The following CLN6 variants were observed in gnomAD, a reference collection of about 807,000 sequenced individuals.
CLN6 encodes the protein ceroid-lipofuscinosis neuronal protein 6.
Under a neutral mutation model 33.3 loss-of-function variants are expected in CLN6, and 22 were observed. The observed-to-expected ratio is 0.66, with a 90% CI of 0.47 to 0.94. The LOEUF (loss-of-function observed/expected upper bound fraction) is 0.94, where lower values mean the gene tolerates loss of function less well. CLN6 is among the 40% of genes least tolerant of loss of function. The pLI, the probability that CLN6 is intolerant of heterozygous loss-of-function variation, is 0.00. For synonymous variants in CLN6, 201 were observed against 174.6 expected (o/e 1.15, Z -1.19); for missense variants, 387 against 417.1 (o/e 0.93, Z 0.63).
intron 1 of CLN6, among the ~76,000 whole-genome samples, chr15:68,225,621 C>T (rs1163908343): frequency 6.6e-6 from 1 of 152,142 alleles, no homozygotes; most frequent in African/African-American, 2.4e-5. Context: ...TAGCTGGGAC[C>T]ACAGAAAGGC....
In CLN6 at chr15:68,219,873, T is replaced by C. The variant is rs1253941382; in HGVS notation, c.84-1223A>G. Among the ~76,000 whole-genome samples the C allele has an allele frequency of 5.3e-5, 8 of 152,204 alleles. No homozygotes were observed. The highest frequency in any genetic ancestry group is 2.0e-4 in the Admixed American group (3 of 15,282). Reference sequence around the variant, plus strand: ...TCGTTTGTGCCAAGAACAGGCGCCATGGACCACAAATCTGTATTCCTCCAG... The same window carrying C: ...TCGTTTGTGCCAAGAACAGGCGCCACGGACCACAAATCTGTATTCCTCCAG... On this transcript the variant is annotated intron_variant, in intron 1 of 6. Coordinates refer to ENST00000249806, the MANE Select transcript of CLN6 (RefSeq NM_017882.3). This position sits in a 1 kb window ranked among gnomAD's most constrained non-coding sequence, Gnocchi z 4.2.
intron 1 of CLN6, among the ~76,000 whole-genome samples, chr15:68,239,687 C>A (rs980798294): frequency 6.6e-6 from 1 of 152,024 alleles, no homozygotes; most frequent in Non-Finnish European, 1.5e-5. Context: ...TACAATGCTC[C>A]CAATTATTGA....
Position 68,210,198 on chromosome 15 carries a change from GC to G in CLN6, c.543-440del, listed in dbSNP as rs1183458610. ...TGGTGAAGCACTGCACCCACTCTCAGCACACAGCCCCACCCCCACCTCAGAC... is the reference window on the plus strand; with the variant it reads ...TGGTGAAGCACTGCACCCACTCTCAGACACAGCCCCACCCCCACCTCAGAC... On this transcript the variant is annotated intron_variant, in intron 5 of 6. Coordinates refer to ENST00000249806, the MANE Select transcript of CLN6 (RefSeq NM_017882.3). The surrounding 1 kb of genome is among the most constrained non-coding windows in gnomAD (Gnocchi z 5.6). Among the ~76,000 whole-genome samples, 1 of 151,966 alleles carries G rather than the reference GC, an allele frequency of 6.6e-6. No individual in the cohort carries two copies. Among genetic ancestry groups the G allele is most frequent in the East Asian group, 2.0e-4 (1 of 5,128 alleles).
At position 68,211,085 on chromosome 15, in the gene CLN6, C is replaced by T. The variant is rs1304706527; in HGVS notation, c.542+178G>A. Among the ~76,000 whole-genome samples, 19 of 152,232 alleles carry T rather than the reference C, an allele frequency of 1.2e-4. No homozygotes were observed. Among genetic ancestry groups the T allele is most frequent in the Admixed American group, 1.2e-3 (19 of 15,308 alleles). On this transcript the variant is annotated intron_variant, in intron 5 of 6. Coordinates refer to ENST00000249806, the MANE Select transcript of CLN6 (RefSeq NM_017882.3). The surrounding 1 kb of genome is among the most constrained non-coding windows in gnomAD (Gnocchi z 5.9). ...AGCCTGGGACAGCAGCTGGGTCTCC[C>T]GGGCAACCTCGGGGACAACTTCACT...
At chr15:68,223,417 C>T (rs1313765883) in intron 1 of CLN6, among the ~76,000 whole-genome samples, 1 of 152,134 alleles carries the variant, frequency 6.6e-6, no homozygotes, top group African/African-American at 2.4e-5. Context: ...AACACAGAGG[C>T]CCCACCCAGC....
chr15:68,247,960 G>A lies in CLN6; in HGVS notation c.179+8730C>T, dbSNP rs1014018327. On this transcript the variant is annotated intron_variant, in intron 1 of 6. Transcript: ENST00000538696. The surrounding 1 kb of genome is among the most constrained non-coding windows in gnomAD (Gnocchi z 4.2). ...GGAGAATCACTTGAACCTGGGAGGT[G>A]GAGGTTGCAGTGAGCTGAGATCGTG... 1.3e-5 allele frequency among the ~76,000 whole-genome samples: 2 copies of A among 151,762 alleles called. No individual in the cohort carries two copies. The highest frequency in any genetic ancestry group is 4.8e-5 in the African/African-American group (2 of 41,298).
chr15:68,240,160 C>G (rs1892268024), intron 1 of CLN6, among the ~76,000 whole-genome samples: 1 of 151,926 alleles, frequency 6.6e-6, no homozygotes, highest in Admixed American at 6.6e-5. Flanking sequence ...AGAAAAAAGA[C>G]TGAAAATTAA....
rs1166022840 is a variant in CLN6 at position 68,219,795 on chromosome 15, G to A, written c.84-1145C>T. On this transcript the variant is annotated intron_variant, in intron 1 of 6. Transcript: ENST00000249806. The surrounding 1 kb of genome is among the most constrained non-coding windows in gnomAD (Gnocchi z 4.2). Reference sequence around the variant, plus strand: ...CCCTGCAATTACTTGCACACCTCCAGGGACAAGCAGCCAGCCACATCCTAA... The same window carrying A: ...CCCTGCAATTACTTGCACACCTCCAAGGACAAGCAGCCAGCCACATCCTAA... Among the ~76,000 whole-genome samples the A allele has an allele frequency of 1.3e-5, 2 of 152,138 alleles. No homozygotes were observed. Among genetic ancestry groups the A allele is most frequent in the Admixed American group, 1.3e-4 (2 of 15,270 alleles).
At chr15:68,229,102 C>A (rs1185192245) in intron 1 of CLN6, among the ~76,000 whole-genome samples, 3 of 152,050 alleles carry the variant, frequency 2.0e-5, no homozygotes, top group Admixed American at 2.0e-4. Context: ...AGGTGGCGCC[C>A]GGAACTTGCG....
At chr15:68,217,054 T>C (rs1407495107) in intron 2 of CLN6, among the ~76,000 whole-genome samples, 2 of 152,228 alleles carry the variant, frequency 1.3e-5, no homozygotes, top group East Asian at 1.9e-4. Flanking sequence ...CTGAAACACA[T>C]AAAGAGCTTA....
intron 1 of CLN6, among the ~76,000 whole-genome samples, chr15:68,225,165 G>A (rs2093248344): frequency 6.6e-6 from 1 of 150,882 alleles, no homozygotes; most frequent in Non-Finnish European, 1.5e-5. Context: ...AGGAAATGAA[G>A]GCAAATATAA....
In CLN6 at chr15:68,229,429, G is replaced by C. The variant is rs2093262017; in HGVS notation, c.83+73C>G. On this transcript the variant is annotated intron_variant, in intron 1 of 6. Coordinates refer to ENST00000249806, the MANE Select transcript of CLN6 (RefSeq NM_017882.3). ...AGGTTCCCGCCCGGCAGCCCTAGGA[G>C]CGTCACGTGGCGGGTCCCGAGGCCC... 5.8e-6 allele frequency: 7 copies of C among 1,200,112 alleles called. 1 individual carries two copies. In the South Asian group the frequency reaches 1.0e-4, roughly 17 times the overall value. The allele number at this position is 1,200,112 out of a possible 1,614,324, so 74.3% of individuals were successfully genotyped here. A position where few individuals can be genotyped will look rare whatever the true frequency, so the allele number is the denominator to read the frequency against.
chr15:68,237,481 C>T (rs1892232608), intron 1 of CLN6, among the ~76,000 whole-genome samples: 1 of 152,098 alleles, frequency 6.6e-6, no homozygotes, highest in African/African-American at 2.4e-5. Flanking sequence ...GAGACCCCAT[C>T]TCTAAAAACA....
At chr15:68,237,427 G>A (rs1304945454) in intron 1 of CLN6, among the ~76,000 whole-genome samples, 2 of 152,172 alleles carry the variant, frequency 1.3e-5, no homozygotes, top group African/African-American at 2.4e-5. Context: ...GGTCGGGGCT[G>A]CAGTGAGCCA....
intron 2 of CLN6, among the ~76,000 whole-genome samples, chr15:68,217,691 A>G (rs1253843991): frequency 1.3e-5 from 2 of 152,066 alleles, no homozygotes; most frequent in Non-Finnish European, 2.9e-5. Context: ...GGATGCCTTC[A>G]TATCTTTTGG....
At chr15:68,254,561 T>C in intron 1 of CLN6, 1 of 499,714 alleles carries the variant, frequency 2.0e-6, no homozygotes, top group East Asian at 3.6e-5. Context: ...GAAAAAGAGG[T>C]GAGAACGACC....
At chr15:68,225,219 A>C (rs1033956688) in intron 1 of CLN6, among the ~76,000 whole-genome samples, 20 of 152,354 alleles carry the variant, frequency 1.3e-4, no homozygotes, top group Middle Eastern at 6.8e-3. Context: ...AGAAAAACAA[A>C]AGTAACATAA....
chr15:68,252,873 A>G (rs2141167290), intron 1 of CLN6, among the ~76,000 whole-genome samples: 1 of 152,330 alleles, frequency 6.6e-6, no homozygotes, highest in African/African-American at 2.4e-5. Context: ...AAAACTACAT[A>G]TTTTTAAAAA....
At chr15:68,248,271 A>G (rs183635853) in intron 1 of CLN6, 1 of 152,340 alleles carries the variant, frequency 6.6e-6, no homozygotes, top group East Asian at 1.9e-4. Context: ...TGTGAAAATG[A>G]AATAACCATA....
Sources: gnomAD v4.1 joint callset for allele counts (sites outside exome capture counted in the v4.1 genomes callset) on GRCh38, gnomAD v4.1.1 for gene constraint, Gnocchi (gnomAD v3.1) non-coding constraint, MANE v1.5 for transcripts, NCBI Gene and HGNC (gene_info 2026-07-23, HGNC 2026-07-21) for gene names.